The following NRG1 variants were observed in gnomAD, a reference collection of about 807,000 sequenced individuals.
NRG1 encodes the protein pro-neuregulin-1, membrane-bound isoform.
NRG1 carries 18 observed loss-of-function variants against 63.8 expected under a neutral mutation model. The observed-to-expected ratio is 0.28, with a 90% CI of 0.19 to 0.42. The LOEUF (loss-of-function observed/expected upper bound fraction) is 0.42. Ranked by LOEUF, NRG1 falls within the 10% of genes least tolerant of loss-of-function variation. The pLI is 1.00. For missense variants in NRG1, 762 were observed against 814.7 expected (o/e 0.94, Z 0.79); for synonymous variants, 302 against 301.3 (o/e 1.00, Z -0.02).
intron 1 of NRG1, among the ~76,000 whole-genome samples, chr8:32,175,952 T>C (rs1156550290): frequency 6.6e-6 from 1 of 151,960 alleles, no homozygotes; most frequent in Non-Finnish European, 1.5e-5. Context: ...AAGCTACCAA[T>C]GACTTTCTTC....
chr8:32,444,625 G>A (rs1333693606), intron 1 of NRG1, among the ~76,000 whole-genome samples: 1 of 152,090 alleles, frequency 6.6e-6, no homozygotes, highest in Non-Finnish European at 1.5e-5. Context: ...TCCCAAAGGG[G>A]GAACCCATAT....
chr8:32,261,959 T>C (rs1277625211), intron 1 of NRG1, among the ~76,000 whole-genome samples: 5 of 152,202 alleles, frequency 3.3e-5, no homozygotes, highest in African/African-American at 1.2e-4. Flanking sequence ...CTGTCCTCAG[T>C]GAACCTGGGC....
At chr8:31,855,465 G>T (rs1309674606) in intron 1 of NRG1, among the ~76,000 whole-genome samples, 1 of 151,960 alleles carries the variant, frequency 6.6e-6, no homozygotes, top group African/African-American at 2.4e-5. Context: ...CATTTGCTTG[G>T]TAGATCTTCC....
At chr8:32,728,101 T>A in intron 6 of NRG1, 23 bp downstream of exon 6, 1 of 1,613,596 alleles carries the variant, frequency 6.2e-7, no homozygotes, top group Non-Finnish European at 8.5e-7. Context: ...ATCCTGTGTG[T>A]CGCTTATGTC....
chr8:32,692,155 TA>T (rs949069593), intron 5 of NRG1, among the ~76,000 whole-genome samples: 1 of 152,230 alleles, frequency 6.6e-6, no homozygotes, highest in African/African-American at 2.4e-5. Context: ...TTGTGTGTGC[TA>T]AGTGTTCTCA....
chr8:32,545,770 A>C (rs553980072), upstream of NRG1, among the ~76,000 whole-genome samples: 7 of 152,322 alleles, frequency 4.6e-5, no homozygotes, highest in African/African-American at 1.7e-4. Context: ...ACCTTTTTGG[A>C]CTGAGCCTTG....
chr8:31,825,401 A>AT (rs1186748027), intron 1 of NRG1, among the ~76,000 whole-genome samples: 1 of 152,066 alleles, frequency 6.6e-6, no homozygotes, highest in Non-Finnish European at 1.5e-5. Flanking sequence ...AAAAAAAAAA[A>AT]GTATTTTATA....
chr8:32,364,801 G>C (rs950093911), intron 1 of NRG1, among the ~76,000 whole-genome samples: 1 of 151,996 alleles, frequency 6.6e-6, no homozygotes, highest in Admixed American at 6.6e-5. Flanking sequence ...ATATATCAAA[G>C]TGTCTGTTCT....
intron 1 of NRG1, among the ~76,000 whole-genome samples, chr8:32,243,749 G>A (rs1848351476): frequency 6.6e-6 from 1 of 152,164 alleles, no homozygotes; most frequent in South Asian, 2.1e-4. Flanking sequence ...GCGTCTGTGA[G>A]GCTTTAATAG....
intron 1 of NRG1, among the ~76,000 whole-genome samples, chr8:32,460,399 G>A (rs1007167069): frequency 6.6e-6 from 1 of 152,140 alleles, no homozygotes; most frequent in African/African-American, 2.4e-5. Context: ...GACTGTACAC[G>A]ACCTGTTAAA....
At chr8:31,787,203 AT>A (rs936453144) in intron 1 of NRG1, among the ~76,000 whole-genome samples, 65 of 152,268 alleles carry the variant, frequency 4.3e-4, no homozygotes, top group African/African-American at 1.5e-3. Flanking sequence ...TATAATACGA[AT>A]TTTTTTATAC....
intron 1 of NRG1, among the ~76,000 whole-genome samples, chr8:31,673,079 CTCTT>C (rs1372872282): frequency 6.6e-6 from 1 of 151,744 alleles, no homozygotes; most frequent in East Asian, 1.9e-4. Context: ...AAAATTCCTT[CTCTT>C]TCTAACATTC....
At chr8:31,664,149 A>G (rs543423485) in intron 1 of NRG1, among the ~76,000 whole-genome samples, 1 of 152,250 alleles carries the variant, frequency 6.6e-6, no homozygotes, top group South Asian at 2.1e-4. Context: ...TACCCTCTTC[A>G]CGGTTCCCCT....
chr8:32,454,390 C>T (rs186358780), intron 1 of NRG1, among the ~76,000 whole-genome samples: 21 of 152,084 alleles, frequency 1.4e-4, no homozygotes, highest in Admixed American at 1.1e-3. Context: ...TTTACTGTTT[C>T]GAGGTTTTTC....
At chr8:32,598,524 A>G (rs572839148) in intron 2 of NRG1, among the ~76,000 whole-genome samples, 2 of 152,254 alleles carry the variant, frequency 1.3e-5, no homozygotes, top group Non-Finnish European at 2.9e-5. Flanking sequence ...CAGACAGCTA[A>G]GAGCACTGTC....
At chr8:32,635,340 A>G (rs1588877020) in intron 5 of NRG1, among the ~76,000 whole-genome samples, 1 of 152,164 alleles carries the variant, frequency 6.6e-6, no homozygotes, top group South Asian at 2.1e-4. Flanking sequence ...AGCTATTTTT[A>G]TTACACCCTG....
intron 1 of NRG1, among the ~76,000 whole-genome samples, chr8:31,800,407 C>T (rs1037218759): frequency 1.9e-4 from 29 of 152,182 alleles, no homozygotes; most frequent in African/African-American, 6.8e-4. Flanking sequence ...TTTTCAGCCA[C>T]CGTAGTAAGT....
At chr8:31,947,199 C>G (rs1423038461) in intron 1 of NRG1, among the ~76,000 whole-genome samples, 6 of 150,744 alleles carry the variant, frequency 4.0e-5, no homozygotes, top group Non-Finnish European at 8.8e-5. Context: ...ACTCGGGAGG[C>G]TGAGGCAGGA....
At chr8:32,414,332 C>T (rs111531964) in intron 1 of NRG1, among the ~76,000 whole-genome samples, 133 of 152,312 alleles carry the variant, frequency 8.7e-4, no homozygotes, top group Non-Finnish European at 1.7e-3. Context: ...CTGGTTTCTA[C>T]CACCTCAATT....
Sources: gnomAD v4.1 joint callset for allele counts (sites outside exome capture counted in the v4.1 genomes callset) on GRCh38, gnomAD v4.1.1 for gene constraint, MANE v1.5 for transcripts, NCBI Gene and HGNC (gene_info 2026-07-23, HGNC 2026-07-21) for gene names.